Variants in DDX21 observed in about 807,000 individuals in gnomAD.
The protein encoded by DDX21 is nucleolar RNA helicase 2.
DDX21 carries 18 observed loss-of-function variants against 90.0 expected under a neutral mutation model. That is an observed-to-expected ratio of 0.20 (90% CI 0.14 to 0.30). The LOEUF is 0.30. Among genes scored for constraint, DDX21 ranks in the 10% least tolerant of loss-of-function variants. DDX21 has a pLI of 1.00. For synonymous variants in DDX21, 294 were observed against 318.0 expected, an observed-to-expected ratio of 0.92 and a Z score of 0.80; for missense variants, 673 against 944.5, an observed-to-expected ratio of 0.71 and a Z score of 3.77.
At position 68,977,445 on chromosome 10, in the gene DDX21, G is replaced by A. The variant is rs568320728; in HGVS notation, c.1743-84G>A. ...GTTACACATGTGAAAGATTTGGAAA[G>A]TTACTCATTTATCTTGAGATGTCTT... is the stretch of plus-strand genomic sequence containing the variant. On this transcript the variant is annotated intron_variant, in intron 11 of 14. Coordinates refer to ENST00000354185, the MANE Select transcript of DDX21 (RefSeq NM_004728.4). 458 of 1,300,012 alleles carry A rather than the reference G, an allele frequency of 3.5e-4. 1 individual carries two copies. In the African/African-American group the frequency reaches 6.3e-3, roughly 18 times the overall value. 80.5% of individuals were successfully genotyped at this position (1,300,012 alleles called of 1,614,324 possible).
intron 13 of DDX21, 102 bp downstream of exon 13, chr10:68,979,078 C>T (rs1265634620): frequency 6.7e-7 from 1 of 1,492,094 alleles, no homozygotes; most frequent in Non-Finnish European, 9.1e-7. Flanking sequence ...TGCATCTCTT[C>T]ACTCTCTCAT....
rs1486107615 is a variant in DDX21, at chr10:68,960,334, ATAG to A, written c.531+89_531+91del. On this transcript the variant is annotated intron_variant, in intron 2 of 14. Transcript: ENST00000354185. The stretch of plus-strand genomic sequence containing the variant: ...AGGTAACTGCTATATGTACTCTTTA[ATAG>A]TAGGAGAAAATGTGATGTGTCAGCA... 11 of 1,343,706 alleles carry A rather than the reference ATAG, an allele frequency of 8.2e-6. No homozygotes were observed. In the African/African-American group the frequency reaches 1.3e-4, roughly 16 times the overall value. The allele number at this position is 1,343,706 out of a possible 1,614,324, so 83.2% of individuals were successfully genotyped here. A position where few individuals can be genotyped will look rare whatever the true frequency, so the allele number is the denominator to read the frequency against.
intron 2 of DDX21, among the ~76,000 whole-genome samples, chr10:68,961,194 C>G (rs148523579): frequency 6.6e-6 from 1 of 152,072 alleles, no homozygotes; most frequent in Non-Finnish European, 1.5e-5. Context: ...CTAAGCCTCC[C>G]GAGTAGCTGG....
At chr10:68,960,374 G>C in intron 2 of DDX21, 125 bp downstream of exon 2, 1 of 974,056 alleles carries the variant, frequency 1.0e-6, no homozygotes, top group East Asian at 2.8e-5. Context: ...CTTGTGGGTT[G>C]GGGGATACCT....
In DDX21 at chr10:68,962,135, A is replaced by G; in HGVS notation, c.585A>G (p.Glu195=). ...CTTTCTCTAATTTTCCCATATCTGAAGAAACTATTAAACTTCTCAAAGGTA... is the reference window on the plus strand; with the variant it reads ...CTTTCTCTAATTTTCCCATATCTGAGGAAACTATTAAACTTCTCAAAGGTA... ...EGAFSNFPIS[E]ETIKLLKGRG... Residue 195 remains glutamate (E), a synonymous_variant, in exon 3 of 15, where the codon GAA becomes GAG. Transcript: ENST00000354185. 1 of 1,611,108 alleles carries G rather than the reference A, an allele frequency of 6.2e-7. No individual in the cohort carries two copies. Among genetic ancestry groups the G allele is most frequent in the Non-Finnish European group, 8.5e-7 (1 of 1,177,850 alleles).
chr10:68,959,260 G>A (rs1386152749), intron 1 of DDX21, among the ~76,000 whole-genome samples: 3 of 152,060 alleles, frequency 2.0e-5, no homozygotes, highest in African/African-American at 4.8e-5. Context: ...TTGGGAGGCC[G>A]GAGTGGGTGG....
At chr10:68,971,395 A>C (rs1285665801) in intron 8 of DDX21, among the ~76,000 whole-genome samples, 1 of 151,800 alleles carries the variant, frequency 6.6e-6, no homozygotes, top group Non-Finnish European at 1.5e-5. Flanking sequence ...CCCCCAACTA[A>C]TTTTATTTTT....
At chr10:68,981,322 G>T (rs1277308664) in intron 13 of DDX21, among the ~76,000 whole-genome samples, 1 of 152,156 alleles carries the variant, frequency 6.6e-6, no homozygotes, top group Non-Finnish European at 1.5e-5. Context: ...TAAATCATTT[G>T]GGGTTCTTTT....
Position 68,963,210 on chromosome 10 carries a change from T to TACA in DDX21, c.608-81_608-80insACA, listed in dbSNP as rs201561759. The TACA allele has an allele frequency of 1.6e-3, 2,238 of 1,371,292 alleles. 31 individuals are homozygous for TACA. The African/African-American group carries it at 0.028, about 17-fold the overall frequency. 84.9% of individuals were successfully genotyped at this position (1,371,292 alleles called of 1,614,324 possible). ...CCTTAATTCTGCAGGACCAGAAGCA[T>TACA]GAGTAGTATACTTCAGTATGTCAGT... On this transcript the variant is annotated intron_variant, in intron 3 of 14. Transcript: ENST00000354185.
intron 11 of DDX21, among the ~76,000 whole-genome samples, chr10:68,976,373 T>C (rs889753074): frequency 6.6e-6 from 1 of 151,828 alleles, no homozygotes; most frequent in African/African-American, 2.4e-5. Flanking sequence ...CTGCAAGCTC[T>C]GCCTCCCTGG....
chr10:68,956,548 A>G, intron 1 of DDX21: 2 of 1,370,264 alleles, frequency 1.5e-6, no homozygotes, highest in South Asian at 1.5e-5. Context: ...CTCTGAGCTT[A>G]TAGGCATCCA....
At chr10:68,969,569 C>T (rs969179361) in intron 7 of DDX21, among the ~76,000 whole-genome samples, 4 of 152,328 alleles carry the variant, frequency 2.6e-5, no homozygotes, top group South Asian at 4.1e-4. Context: ...TGAGCCACCA[C>T]GCCCGGCCCG....
chr10:68,983,133 CTT>C lies in DDX21; in HGVS notation c.*323_*324del. The C allele has an allele frequency of 3.1e-6, 1 of 319,730 alleles. No individual in the cohort carries two copies. The highest frequency in any genetic ancestry group is 5.9e-6 in the Non-Finnish European group (1 of 168,124). 19.8% of individuals were successfully genotyped at this position (319,730 alleles called of 1,614,324 possible). ...GCCTATACTTTGTGAGTTCACCTGT[CTT>C]TATACTCAAAAGTGTCCCTTAATAG... On this transcript the variant is annotated 3_prime_UTR_variant, in exon 15 of 15. Transcript: ENST00000354185.
intron 2 of DDX21, among the ~76,000 whole-genome samples, chr10:68,960,753 G>C (rs986651434): frequency 6.9e-6 from 1 of 144,264 alleles, no homozygotes; most frequent in African/African-American, 2.6e-5. Flanking sequence ...ATGAGCTACT[G>C]TTCCCAGCGG....
chr10:68,964,744 C>T (rs1313808755), intron 4 of DDX21, among the ~76,000 whole-genome samples: 2 of 146,618 alleles, frequency 1.4e-5, no homozygotes, highest in African/African-American at 2.5e-5. Context: ...ACCTCTGCCT[C>T]GCAGGTTTAA....
chr10:68,977,766 C>T, intron 12 of DDX21, 78 bp downstream of exon 12: 1 of 1,395,314 alleles, frequency 7.2e-7, no homozygotes, highest in Non-Finnish European at 9.6e-7. Flanking sequence ...ATTTAAGCTT[C>T]CCAGTTGTTT....
At chr10:68,980,165 G>A (rs2394503) in intron 13 of DDX21, among the ~76,000 whole-genome samples, 11,135 of 152,118 alleles carry the variant, frequency 0.073, 539 homozygotes, top group African/African-American at 0.13. Flanking sequence ...ACTTGAACCC[G>A]GGTGGCAGAG....
chr10:68,968,174 C>T (rs1842966690), intron 6 of DDX21, among the ~76,000 whole-genome samples: 1 of 152,126 alleles, frequency 6.6e-6, no homozygotes, highest in African/African-American at 2.4e-5. Context: ...CGCGGCCGCC[C>T]TTTTTTTATT....
At chr10:68,978,134 C>T (rs1025869041) in intron 12 of DDX21, among the ~76,000 whole-genome samples, 1 of 151,714 alleles carries the variant, frequency 6.6e-6, no homozygotes, top group African/African-American at 2.4e-5. Flanking sequence ...AAGAAAAGAA[C>T]CAATAATTCC....
Sources: allele counts gnomAD v4.1 joint callset (sites outside exome capture counted in the v4.1 genomes callset), GRCh38; gene constraint gnomAD v4.1.1; transcripts MANE v1.5; gene names NCBI Gene and HGNC (gene_info 2026-07-23, HGNC 2026-07-21).